Variants in RFX2 observed in about 807,000 individuals in gnomAD.
The protein encoded by RFX2 is regulatory factor X2, also known as DNA-binding protein RFX2.
RFX2 carries 20 observed loss-of-function variants against 87.8 expected under a neutral mutation model. The ratio of observed to expected loss-of-function variants is 0.23; its 90% CI spans 0.16 to 0.33. The LOEUF is 0.33. Among genes scored for constraint, RFX2 ranks in the 10% least tolerant of loss-of-function variants. RFX2 has a pLI of 1.00. For missense variants in RFX2, 767 were observed against 1,012.3 expected, an observed-to-expected ratio of 0.76 and a Z score of 3.29; for synonymous variants, 397 against 431.3, an observed-to-expected ratio of 0.92 and a Z score of 0.98.
At chr19:6,072,857 T>A in intron 1 of RFX2, 1 of 1,309,180 alleles carries the variant, frequency 7.6e-7, no homozygotes, top group Non-Finnish European at 1.1e-6. Flanking sequence ...AAGCCCAAGA[T>A]CGTCAAAAAG....
rs1162020024 is a variant in RFX2 at position 6,021,226 on chromosome 19, G to A, written c.597+4937C>T. Among the ~76,000 whole-genome samples, 3 of 152,158 alleles carry A rather than the reference G, an allele frequency of 2.0e-5. No homozygotes were observed. Among genetic ancestry groups the A allele is most frequent in the Non-Finnish European group, 2.9e-5 (2 of 68,038 alleles). On this transcript the variant is annotated intron_variant, in intron 6 of 17. Coordinates refer to ENST00000303657, the MANE Select transcript of RFX2 (RefSeq NM_000635.4). This position sits in a 1 kb window ranked among gnomAD's most constrained non-coding sequence, Gnocchi z 5.7. ...GGTGTGCCCTGTGTTGACATAATCC[G>A]ACTTGGAACATCCACCTTTTCACCC...
At chr19:6,093,601 C>G (rs1320679898) in intron 1 of RFX2, among the ~76,000 whole-genome samples, 1 of 151,496 alleles carries the variant, frequency 6.6e-6, no homozygotes, top group Admixed American at 6.6e-5. Context: ...AATATCAGAC[C>G]ATTAGTAGAA....
rs551336426 is a variant in RFX2, at chr19:5,999,005, C to G, written c.1860-1792G>C. ...GCGTGGTGGCTCATGACTGGAATCG[C>G]AGCACTTTGGGAGGCTGAGGCAGGT... On this transcript the variant is annotated intron_variant, in intron 15 of 17. Transcript: ENST00000303657. The surrounding 1 kb of genome is among the most constrained non-coding windows in gnomAD (Gnocchi z 4.1). Among the ~76,000 whole-genome samples, 1 of 152,226 alleles carries G rather than the reference C, an allele frequency of 6.6e-6. No homozygotes were observed. Among genetic ancestry groups the G allele is most frequent in the Non-Finnish European group, 1.5e-5 (1 of 68,040 alleles).
Position 6,017,370 on chromosome 19 carries a change from C to T in RFX2, c.598-1099G>A, listed in dbSNP as rs931686598. Reference sequence around the variant, plus strand: ...GCTCAGTCCCCACACTGGGCATGGACGCAAAGGTGGCCTGCCCACCAACTG... The same window carrying T: ...GCTCAGTCCCCACACTGGGCATGGATGCAAAGGTGGCCTGCCCACCAACTG... On this transcript the variant is annotated intron_variant, in intron 6 of 17. Coordinates refer to ENST00000303657, the MANE Select transcript of RFX2 (RefSeq NM_000635.4). This position sits in a 1 kb window ranked among gnomAD's most constrained non-coding sequence, Gnocchi z 4.1. 1.1e-4 allele frequency among the ~76,000 whole-genome samples: 16 copies of T among 152,204 alleles called. No individual in the cohort carries two copies. The highest frequency in any genetic ancestry group is 2.7e-4 in the African/African-American group (11 of 41,448).
At chr19:6,015,057 A>G (rs1374118100) in intron 7 of RFX2, among the ~76,000 whole-genome samples, 1 of 152,162 alleles carries the variant, frequency 6.6e-6, no homozygotes, top group East Asian at 1.9e-4. Context: ...ATTGCCTGTG[A>G]TAAGTCTGTG....
At chr19:6,100,213 T>A (rs2088097420) in intron 1 of RFX2, among the ~76,000 whole-genome samples, 1 of 151,330 alleles carries the variant, frequency 6.6e-6, no homozygotes, top group South Asian at 2.1e-4. Context: ...TCATTTGGAG[T>A]AGTGAAAGGG....
At position 6,097,468 on chromosome 19, in the gene RFX2, T is replaced by C. The variant is rs539182776; in HGVS notation, c.-9+12925A>G. On this transcript the variant is annotated intron_variant, in intron 1 of 17. Transcript: ENST00000303657. ...ATGCATTAAGATATCTTTACCCTTC[T>C]GAGGGCGTGATCATCATTCCAATTC... is the stretch of plus-strand genomic sequence containing the variant. 7.9e-4 allele frequency among the ~76,000 whole-genome samples: 121 copies of C among 152,286 alleles called. 1 individual carries two copies. Among genetic ancestry groups the C allele is most frequent in the Non-Finnish European group, 1.5e-3 (103 of 68,032 alleles).
rs185932291 is a variant in RFX2 at position 6,007,019 on chromosome 19, C to T, written c.1395G>A (p.Pro465=). 213 of 1,613,850 alleles carry T rather than the reference C, an allele frequency of 1.3e-4. 1 individual carries two copies. Among genetic ancestry groups the T allele is most frequent in the East Asian group, 4.5e-5 (2 of 44,878 alleles). Residue 465 remains proline, a synonymous_variant, in exon 12 of 18, where the codon CCG becomes CCA. Transcript: ENST00000303657. This position sits in a 1 kb window ranked among gnomAD's most constrained non-coding sequence, Gnocchi z 8.2. ...GGGCCGTGGGTCACTTACTGGGGAC[C>T]GGCCTCAGCACGTCGGGGATGAGAA... ...VEILIPDVLR[P]VPSTLTQAIR...
chr19:6,104,568 C>CAAAAAA (rs576267913), intron 1 of RFX2, among the ~76,000 whole-genome samples: 1 of 121,110 alleles, frequency 8.3e-6, no homozygotes, highest in Non-Finnish European at 1.8e-5. Context: ...GACTCCATCT[C>CAAAAAA]AAAAAAAAAA....
chr19:6,090,606 G>C (rs561127843), intron 1 of RFX2, among the ~76,000 whole-genome samples: 3 of 152,242 alleles, frequency 2.0e-5, no homozygotes, highest in Non-Finnish European at 4.4e-5. Flanking sequence ...ACTGTGAAAG[G>C]ACAATTTGGC....
intron 4 of RFX2, among the ~76,000 whole-genome samples, chr19:6,041,606 CTT>C (rs11363444): frequency 0.017 from 2,319 of 140,514 alleles, 47 homozygotes; most frequent in African/African-American, 0.056. Flanking sequence ...TAGGATTAGC[CTT>C]TTTTTTTTTT....
At chr19:6,051,301 A>G (rs950532352) in intron 1 of RFX2, among the ~76,000 whole-genome samples, 2 of 152,064 alleles carry the variant, frequency 1.3e-5, no homozygotes, top group Non-Finnish European at 2.9e-5. Context: ...TAAATACATA[A>G]AACTATTTAA....
rs1396431646 is a variant in RFX2, at chr19:6,010,218, C to G, written c.933G>C (p.Gly311=). The stretch of plus-strand genomic sequence containing the variant: ...GCAGGCCGCTGTGGGAGCCGCTGTC[C>G]CCGAGGCTGTCCGTCTTCTGGGCTG... The part of the protein sequence containing the change: ...YRPAQKTDSL[G]DSGSHSGLHS... The change falls in exon 9 of 18, where the codon GGG becomes GGC. Residue 311 remains glycine (G), a synonymous_variant. Transcript: ENST00000303657. This position sits in a 1 kb window ranked among gnomAD's most constrained non-coding sequence, Gnocchi z 5.0. The G allele has an allele frequency of 5.2e-6, 8 of 1,548,198 alleles. No homozygotes were observed. The highest frequency in any genetic ancestry group is 7.0e-6 in the Non-Finnish European group (8 of 1,146,936).
intron 1 of RFX2, among the ~76,000 whole-genome samples, chr19:6,108,292 G>GT (rs2088252008): frequency 6.6e-6 from 1 of 152,096 alleles, no homozygotes; most frequent in Non-Finnish European, 1.5e-5. Context: ...GTGAGTTGTC[G>GT]TTTCTAAGGT....
At position 6,101,037 on chromosome 19, in the gene RFX2, A is replaced by G. The variant is rs894981896; in HGVS notation, c.-9+9356T>C. Among the ~76,000 whole-genome samples the G allele has an allele frequency of 3.3e-5, 5 of 152,208 alleles. No individual in the cohort carries two copies. The highest frequency in any genetic ancestry group is 2.1e-4 in the South Asian group (1 of 4,832). On this transcript the variant is annotated intron_variant, in intron 1 of 17. Transcript: ENST00000303657. The surrounding 1 kb of genome is among the most constrained non-coding windows in gnomAD (Gnocchi z 4.9). ...CTTAGGCTCTGAATATCAGTTGCCA[A>G]TGGTTTCTAACAATTTTAAATTTGT...
rs1230760620 is a variant in RFX2, at chr19:6,110,288, G to A, written c.-9+105C>T. On this transcript the variant is annotated intron_variant, in intron 1 of 17. Coordinates refer to ENST00000303657, the MANE Select transcript of RFX2 (RefSeq NM_000635.4). This position sits in a 1 kb window ranked among gnomAD's most constrained non-coding sequence, Gnocchi z 4.3. ...CGGGCGCACCACCCGGACGTTTGGGGTGAGCGGCGGGGACGTGCTGCCCGC... is the reference window on the plus strand; with the variant it reads ...CGGGCGCACCACCCGGACGTTTGGGATGAGCGGCGGGGACGTGCTGCCCGC... 6 of 148,380 alleles carry A rather than the reference G, an allele frequency of 4.0e-5. 1 individual carries two copies. In the South Asian group the frequency reaches 1.3e-3, roughly 32 times the overall value. The allele number at this position is 148,380 out of a possible 1,614,324, so 9.2% of individuals were successfully genotyped here.
Position 6,021,517 on chromosome 19 carries a change from G to A in RFX2, c.597+4646C>T, listed in dbSNP as rs1305797397. Among the ~76,000 whole-genome samples, 2 of 152,210 alleles carry A rather than the reference G, an allele frequency of 1.3e-5. No individual in the cohort carries two copies. The highest frequency in any genetic ancestry group is 2.4e-5 in the African/African-American group (1 of 41,450). On this transcript the variant is annotated intron_variant, in intron 6 of 17. Transcript: ENST00000303657. This position sits in a 1 kb window ranked among gnomAD's most constrained non-coding sequence, Gnocchi z 5.7. ...ACGGTATAGTAAGTTGAGGTGGGGT[G>A]GGGGTGTCAGGCAGGGCTCACTGAG...
At chr19:6,075,653 C>T (rs768417522) in intron 1 of RFX2, among the ~76,000 whole-genome samples, 1 of 152,120 alleles carries the variant, frequency 6.6e-6, no homozygotes, top group East Asian at 1.9e-4. Flanking sequence ...TGGGGAAGCC[C>T]GTGGTCTGGG....
intron 1 of RFX2, among the ~76,000 whole-genome samples, chr19:6,069,513 C>G (rs1224488660): frequency 2.6e-5 from 4 of 152,222 alleles, no homozygotes; most frequent in Admixed American, 2.6e-4. Context: ...ATAAGACTAT[C>G]TGGGCTCACC....
Sources: gnomAD v4.1 joint callset for allele counts (sites outside exome capture counted in the v4.1 genomes callset) on GRCh38, gnomAD v4.1.1 for gene constraint, Gnocchi (gnomAD v3.1) non-coding constraint, MANE v1.5 for transcripts, NCBI Gene and HGNC (gene_info 2026-07-23, HGNC 2026-07-21) for gene names.